Variants in MCM3AP observed in about 807,000 individuals in gnomAD.
The protein encoded by MCM3AP is minichromosome maintenance complex component 3 associated protein.
In MCM3AP, 126 loss-of-function variants were observed where a neutral mutation model predicts 184.1. The ratio of observed to expected loss-of-function variants is 0.68; its 90% CI spans 0.59 to 0.79. The LOEUF is 0.79. MCM3AP is among the 30% of genes least tolerant of loss of function. The pLI, the probability that MCM3AP is intolerant of heterozygous loss-of-function variation, is 0.00. For synonymous variants in MCM3AP, 1,002 were observed against 979.3 expected, an observed-to-expected ratio of 1.02 and a Z score of -0.43; for missense variants, 2,496 against 2,479.2, an observed-to-expected ratio of 1.01 and a Z score of -0.14.
chr21:46,279,276 A>G (rs2081295592), intron 4 of MCM3AP, among the ~76,000 whole-genome samples: 1 of 135,708 alleles, frequency 7.4e-6, no homozygotes, highest in South Asian at 2.3e-4. Context: ...CAACAGCCAG[A>G]CTGTGTCTCA....
Position 46,235,287 on chromosome 21 carries a change from A to C in MCM3AP, c.5924T>G (p.Leu1975Arg). ...VASELHLSAL[L>R]DMVDI ...GGCTGCTCAAATGTCCACCATGTCT[A>C]GCAGCGCAGAGAGATGGAGCTCAGA... The change falls in exon 28 of 28, where the codon CTA (leucine) becomes CGA (arginine). Residue 1975 changes from leucine to arginine, a missense_variant. By Grantham distance (102) the Leu-to-Arg change is moderately radical. Transcript: ENST00000291688. 7.4e-6 allele frequency: 12 copies of C among 1,614,164 alleles called. No individual in the cohort carries two copies. Among genetic ancestry groups the C allele is most frequent in the Non-Finnish European group, 1.0e-5 (12 of 1,180,012 alleles).
At chr21:46,283,963 A>C (rs1601551783) in intron 1 of MCM3AP, 105 bp downstream of exon 1, 2 of 1,539,238 alleles carry the variant, frequency 1.3e-6, no homozygotes, top group Non-Finnish European at 1.7e-6. Context: ...TAGAATCCCT[A>C]ATGTTTATGG....
At chr21:46,259,337 T>A (rs2081006522) in intron 15 of MCM3AP, 3 of 292,988 alleles carry the variant, frequency 1.0e-5, no homozygotes, top group South Asian at 5.1e-5. Context: ...GCGCCTGTAG[T>A]CCCAGCTACT....
intron 11 of MCM3AP, 22 bp downstream of exon 11, chr21:46,265,903 C>G (rs377744223): frequency 2.0e-6 from 3 of 1,535,298 alleles, no homozygotes; most frequent in Non-Finnish European, 2.6e-6. Flanking sequence ...AGTCCCCTCA[C>G]TACGACTGCA....
intron 22 of MCM3AP, among the ~76,000 whole-genome samples, chr21:46,245,452 T>C (rs2080750555): frequency 6.6e-6 from 1 of 152,146 alleles, no homozygotes; most frequent in Non-Finnish European, 1.5e-5. Context: ...GTGACCTGCA[T>C]GGTTGCCCCA....
chr21:46,282,019 G>A (rs2081340150), intron 2 of MCM3AP, among the ~76,000 whole-genome samples: 1 of 151,940 alleles, frequency 6.6e-6, no homozygotes, highest in Non-Finnish European at 1.5e-5. Flanking sequence ...CAACAAAAAT[G>A]AGAGCCGGTA....
Position 46,243,457 on chromosome 21 carries a change from C to G in MCM3AP, c.5296+8G>C, listed in dbSNP as rs199899554. ...GGAGCTGATCCCATTGCATCAAGCT[C>G]TAATTACCTGATGTAACAGGAAGCC... On this transcript the variant is annotated splice_region_variant and intron_variant, in intron 24 of 27. Coordinates refer to ENST00000291688, the MANE Select transcript of MCM3AP (RefSeq NM_003906.5). 9.4e-6 allele frequency: 15 copies of G among 1,600,138 alleles called. No homozygotes were observed. Among genetic ancestry groups the G allele is most frequent in the African/African-American group, 2.7e-5 (2 of 74,644 alleles).
chr21:46,280,665 A>G (rs2081320518), intron 2 of MCM3AP, 90 bp from the exon 3 acceptor site: 2 of 846,624 alleles, frequency 2.4e-6, no homozygotes, highest in East Asian at 4.9e-5. Flanking sequence ...AGCACAACAG[A>G]CCATTCAAAG....
chr21:46,273,617 T>G (rs757464558), intron 6 of MCM3AP, 32 bp from the exon 7 acceptor site: 2 of 1,592,178 alleles, frequency 1.3e-6, no homozygotes, highest in Non-Finnish European at 8.6e-7. Context: ...AGGATGCCCA[T>G]GTGGCATACC....
chr21:46,249,386 C>A (rs2156117), intron 20 of MCM3AP, among the ~76,000 whole-genome samples: 70,620 of 151,782 alleles, frequency 0.47, 16,671 homozygotes, highest in Admixed American at 0.51. Flanking sequence ...CAGGGTTTCA[C>A]CGCGTTGCCC....
intron 27 of MCM3AP, 80 bp from the exon 28 acceptor site, chr21:46,235,506 G>A: frequency 8.2e-7 from 1 of 1,219,886 alleles, no homozygotes; most frequent in Non-Finnish European, 1.2e-6. Context: ...ACTAGATCTG[G>A]ATCATGTTAG....
rs1461490647 is a variant in MCM3AP, at chr21:46,279,987, T to G, written c.1667+6A>C. The G allele has an allele frequency of 1.2e-6, 2 of 1,609,120 alleles. No homozygotes were observed. Among genetic ancestry groups the G allele is most frequent in the Admixed American group, 1.7e-5 (1 of 58,082 alleles). On this transcript the variant is annotated splice_donor_region_variant and intron_variant, in intron 4 of 27. Coordinates refer to ENST00000291688, the MANE Select transcript of MCM3AP (RefSeq NM_003906.5). ...GAATAAGGTCATTAGGAGGGACCGA[T>G]CCCACCTTTTATTCAGGAGGCTGCT...
chr21:46,237,234 TGGG>T (rs2080557093), intron 26 of MCM3AP, among the ~76,000 whole-genome samples: 8 of 151,618 alleles, frequency 5.3e-5, no homozygotes, highest in Non-Finnish European at 1.2e-4. Context: ...CCTGAGTAGC[TGGG>T]ATTATAGGCA....
At chr21:46,239,560 T>C (rs1017496215) in intron 26 of MCM3AP, among the ~76,000 whole-genome samples, 4 of 152,158 alleles carry the variant, frequency 2.6e-5, no homozygotes, top group South Asian at 2.1e-4. Context: ...AAGGGGTTGG[T>C]TGGAAGAAAG....
chr21:46,258,370 C>A (rs1179326228), intron 16 of MCM3AP, among the ~76,000 whole-genome samples: 1 of 152,228 alleles, frequency 6.6e-6, no homozygotes, highest in Non-Finnish European at 1.5e-5. Flanking sequence ...TGTGCACTTA[C>A]ACCCAGTTGA....
At chr21:46,275,039 C>T in intron 6 of MCM3AP, 147 bp downstream of exon 6, 1 of 752,784 alleles carries the variant, frequency 1.3e-6, no homozygotes, top group Non-Finnish European at 1.9e-6. Context: ...GAGTGAACAT[C>T]TCACAATGCA....
rs1382781887 is a variant in MCM3AP at position 46,282,011 on chromosome 21, A to G, written c.1444-1436T>C. On this transcript the variant is annotated intron_variant, in intron 2 of 27. Transcript: ENST00000291688. ...AGGCCCCGTCTCAAAAACAACAACA[A>G]CAAAAATGAGAGCCGGTACAATGAC... 2.6e-5 allele frequency among the ~76,000 whole-genome samples: 4 copies of G among 152,216 alleles called. No homozygotes were observed. In the East Asian group the frequency reaches 7.7e-4, roughly 29 times the overall value.
At position 46,251,694 on chromosome 21, in the gene MCM3AP, AAAAAAAC is replaced by A. The variant is rs759314561; in HGVS notation, c.4137-19_4137-13del. 15 of 1,524,924 alleles carry A rather than the reference AAAAAAAC, an allele frequency of 9.8e-6. No homozygotes were observed. Among genetic ancestry groups the A allele is most frequent in the South Asian group, 9.6e-5 (8 of 83,242 alleles). 94.5% of individuals were successfully genotyped at this position (1,524,924 alleles called of 1,614,324 possible). A position where few individuals can be genotyped will look rare whatever the true frequency, so the allele number is the denominator to read the frequency against. On this transcript the variant is annotated splice_polypyrimidine_tract_variant and intron_variant, in intron 19 of 27. Transcript: ENST00000291688. ...AATTTGCTAGAATTCTACAGATTTA[AAAAAAAC>A]AAAAAACAAAAAAAACACTTGAAGA...
chr21:46,266,819 T>C, intron 10 of MCM3AP, 163 bp downstream of exon 10: 2 of 727,356 alleles, frequency 2.7e-6, no homozygotes, highest in Non-Finnish European at 4.4e-6. Flanking sequence ...GGATGTGACC[T>C]TGGGAACACC....
Sources: allele counts gnomAD v4.1 joint callset (sites outside exome capture counted in the v4.1 genomes callset), GRCh38; gene constraint gnomAD v4.1.1; transcripts MANE v1.5; gene names NCBI Gene and HGNC (gene_info 2026-07-23, HGNC 2026-07-21).